FRMD3: variants seen among roughly 807,000 people sequenced by gnomAD.
The protein encoded by FRMD3 is FERM domain-containing protein 3.
A neutral mutation model predicts 70.2 loss-of-function variants in FRMD3; 33 were observed. That is an observed-to-expected ratio of 0.47 (90% CI 0.36 to 0.63). FRMD3 has a LOEUF of 0.63. Among genes scored for constraint, FRMD3 ranks in the 20% least tolerant of loss-of-function variants. The pLI, the probability that FRMD3 is intolerant of heterozygous loss-of-function variation, is 0.00. For missense variants in FRMD3, 632 were observed against 711.4 expected (o/e 0.89, Z 1.27); for synonymous variants, 279 against 255.9 (o/e 1.09, Z -0.86).
rs1451025593 is a variant in FRMD3, at chr9:83,372,940, T to TA, written c.267dup (p.Asn90Ter). On this transcript the variant is annotated frameshift_variant, in exon 3 of 14. Transcript: ENST00000304195. LOFTEE classifies it high-confidence loss of function. ...TTCATTTGCTTGAAGATGGACTTGT[T>TA]AGGTTCAAGCCAGTGCTAGGGAGGA... 20 of 1,610,018 alleles carry TA rather than the reference T, an allele frequency of 1.2e-5. No individual in the cohort carries two copies. Among genetic ancestry groups the TA allele is most frequent in the Non-Finnish European group, 1.6e-5 (19 of 1,179,290 alleles).
chr9:83,507,683 TATAC>T (rs752921924), intron 1 of FRMD3, among the ~76,000 whole-genome samples: 2,140 of 30,576 alleles, frequency 0.07, 385 homozygotes, highest in African/African-American at 0.12. Context: ...CAAAAAAAAA[TATAC>T]ATACATATAT....
chr9:83,310,283 T>C (rs896257465), intron 9 of FRMD3, among the ~76,000 whole-genome samples: 4 of 152,204 alleles, frequency 2.6e-5, no homozygotes, highest in Non-Finnish European at 5.9e-5. Context: ...CAATCAGCAT[T>C]GCTTACTGAC....
intron 1 of FRMD3, among the ~76,000 whole-genome samples, chr9:83,393,899 T>A (rs1188680546): frequency 6.6e-6 from 1 of 151,864 alleles, no homozygotes; most frequent in Admixed American, 6.6e-5. Context: ...TAAGATCAAT[T>A]TAATTCTATT....
At chr9:83,293,665 A>C (rs1834538340) in intron 12 of FRMD3, among the ~76,000 whole-genome samples, 1 of 152,170 alleles carries the variant, frequency 6.6e-6, no homozygotes, top group African/African-American at 2.4e-5. Context: ...CCCAGGTATG[A>C]GCCTGCCTTG....
At chr9:83,274,248 C>A (rs7034898) in intron 13 of FRMD3, among the ~76,000 whole-genome samples, 31,159 of 152,092 alleles carry the variant, frequency 0.2, 3,676 homozygotes, top group African/African-American at 0.33. Context: ...CACAGGACTT[C>A]TATTTAATCT....
intron 3 of FRMD3, 83 bp from the exon 4 acceptor site, chr9:83,349,840 C>A: frequency 9.8e-7 from 1 of 1,019,142 alleles, no homozygotes; most frequent in South Asian, 1.4e-5. Flanking sequence ...AGCCGTGCAG[C>A]CTGACAGACT....
At chr9:83,284,061 A>AT (rs71365307) in intron 13 of FRMD3, among the ~76,000 whole-genome samples, 3,026 of 101,380 alleles carry the variant, frequency 0.03, 68 homozygotes, top group African/African-American at 0.063. Context: ...CTAGGATGTT[A>AT]TTTTTTTTTT....
intron 1 of FRMD3, among the ~76,000 whole-genome samples, chr9:83,510,993 T>C (rs113861339): frequency 0.014 from 2,092 of 152,332 alleles, 58 homozygotes; most frequent in African/African-American, 0.048. Flanking sequence ...TTATACACTT[T>C]AGGTGAATTG....
rs869149609 is a variant in FRMD3 at position 83,356,271 on chromosome 9, A to ATTTTTTTTTTTTTTTTTTTTTT, written c.296-6536_296-6515dup. Among the ~76,000 whole-genome samples, 4 of 94,462 alleles carry ATTTTTTTTTTTTTTTTTTTTTT rather than the reference A, an allele frequency of 4.2e-5. 1 individual carries two copies. The highest frequency in any genetic ancestry group is 1.9e-4 in the African/African-American group (4 of 21,610). The allele number at this position is 94,462 out of a possible 152,430, so 62.0% of individuals were successfully genotyped here. On this transcript the variant is annotated intron_variant, in intron 3 of 13. Transcript: ENST00000304195. Reference sequence around the variant, plus strand: ...TGAGAGAGAAGCATCACTCAGCAGCATTTTTTTTTTTTTTTTTTTTTTTTG... The same window carrying ATTTTTTTTTTTTTTTTTTTTTT: ...TGAGAGAGAAGCATCACTCAGCAGCATTTTTTTTTTTTTTTTTTTTTTTTTTTTTTTTTTTTTTTTTTTTTTG...
At chr9:83,279,981 A>G (rs1210231525) in intron 13 of FRMD3, among the ~76,000 whole-genome samples, 1 of 152,210 alleles carries the variant, frequency 6.6e-6, no homozygotes, top group Non-Finnish European at 1.5e-5. Flanking sequence ...AAGTAAAATA[A>G]AACTGTCTTT....
chr9:83,430,129 C>G (rs1489234125), intron 1 of FRMD3, among the ~76,000 whole-genome samples: 1 of 152,188 alleles, frequency 6.6e-6, no homozygotes, highest in African/African-American at 2.4e-5. Context: ...TTATCCCTAG[C>G]CTTGGTCTCA....
intron 3 of FRMD3, among the ~76,000 whole-genome samples, chr9:83,358,714 G>A (rs961097337): frequency 1.4e-4 from 13 of 91,952 alleles, no homozygotes; most frequent in Non-Finnish European, 2.6e-4. Flanking sequence ...TTATTTATTT[G>A]TAGCTATTGT....
Position 83,537,998 on chromosome 9 carries a change from G to T in FRMD3, c.147+87C>A. On this transcript the variant is annotated intron_variant, in intron 1 of 13. Transcript: ENST00000304195. This position sits in a 1 kb window ranked among gnomAD's most constrained non-coding sequence, Gnocchi z 4.1. ...AGTCCCCCAATCCCCTCCGGGAGTGGGTTCCTTGTTCTCGCATGCCCACCG... is the reference window on the plus strand; with the variant it reads ...AGTCCCCCAATCCCCTCCGGGAGTGTGTTCCTTGTTCTCGCATGCCCACCG... 2 of 1,462,680 alleles carry T rather than the reference G, an allele frequency of 1.4e-6. No individual in the cohort carries two copies. Among genetic ancestry groups the T allele is most frequent in the Non-Finnish European group, 1.9e-6 (2 of 1,066,748 alleles). 90.6% of individuals were successfully genotyped at this position (1,462,680 alleles called of 1,614,324 possible).
At chr9:83,377,166 C>T (rs1248229143) in intron 2 of FRMD3, among the ~76,000 whole-genome samples, 1 of 152,052 alleles carries the variant, frequency 6.6e-6, no homozygotes, top group Non-Finnish European at 1.5e-5. Context: ...GTTTGGGAGG[C>T]TTTGAACTAC....
intron 13 of FRMD3, among the ~76,000 whole-genome samples, chr9:83,250,241 G>T (rs962507968): frequency 1.3e-5 from 2 of 151,990 alleles, no homozygotes; most frequent in African/African-American, 4.8e-5. Context: ...TTGAGTGATT[G>T]TGTGACCCCA....
At chr9:83,518,315 A>C (rs1462659480) in intron 1 of FRMD3, among the ~76,000 whole-genome samples, 1 of 152,230 alleles carries the variant, frequency 6.6e-6, no homozygotes, top group Non-Finnish European at 1.5e-5. Context: ...ATCAGTGTGC[A>C]AAGATCACAA....
intron 1 of FRMD3, among the ~76,000 whole-genome samples, chr9:83,494,655 C>T (rs571283288): frequency 5.9e-5 from 9 of 152,306 alleles, no homozygotes; most frequent in Non-Finnish European, 1.3e-4. Context: ...GTAATCCCAA[C>T]ACTTTGGGAA....
chr9:83,322,871 G>C (rs1031058310), intron 6 of FRMD3, among the ~76,000 whole-genome samples: 2 of 152,128 alleles, frequency 1.3e-5, no homozygotes, highest in African/African-American at 2.4e-5. Context: ...TAGACTAGCT[G>C]TTTGAAATAT....
chr9:83,391,466 G>C (rs1178283406), intron 1 of FRMD3, among the ~76,000 whole-genome samples: 8 of 152,168 alleles, frequency 5.3e-5, no homozygotes, highest in Admixed American at 4.6e-4. Context: ...CTCTTCATTA[G>C]GATGTACTAT....
Sources: allele counts gnomAD v4.1 joint callset (sites outside exome capture counted in the v4.1 genomes callset), GRCh38; gene constraint gnomAD v4.1.1; non-coding constraint Gnocchi (gnomAD v3.1); transcripts MANE v1.5; gene names NCBI Gene and HGNC (gene_info 2026-07-23, HGNC 2026-07-21).